PTPRD: variants seen among roughly 807,000 people sequenced by gnomAD.
PTPRD encodes receptor-type tyrosine-protein phosphatase delta.
PTPRD carries 34 observed loss-of-function variants against 214.5 expected under a neutral mutation model. The observed-to-expected ratio is 0.16, with a 90% confidence interval of 0.12 to 0.21. The LOEUF is 0.21. Among genes scored for constraint, PTPRD ranks in the 10% least tolerant of loss-of-function variants. The pLI is 1.00. For missense variants in PTPRD, 2,545 were observed against 2,398.7 expected (o/e 1.06, Z -1.27); for synonymous variants, 1,128 against 845.7 (o/e 1.33, Z -5.79).
intron 11 of PTPRD, among the ~76,000 whole-genome samples, chr9:8,761,187 C>G (rs2094392373): frequency 6.6e-6 from 1 of 151,908 alleles, no homozygotes; most frequent in South Asian, 2.1e-4. Context: ...CAAATAGAGG[C>G]AAATGTGGTT....
intron 9 of PTPRD, among the ~76,000 whole-genome samples, chr9:9,185,876 T>C (rs1245118874): frequency 6.6e-6 from 1 of 151,356 alleles, no homozygotes; most frequent in Non-Finnish European, 1.5e-5. Context: ...TTTTTTTCTT[T>C]TTTTTTTTGC....
chr9:9,902,230 ATTTC>A (rs1451261882), intron 5 of PTPRD, among the ~76,000 whole-genome samples: 5 of 152,024 alleles, frequency 3.3e-5, no homozygotes, highest in African/African-American at 9.7e-5. Context: ...TGTGCTCTCT[ATTTC>A]TTTCTTATCT....
At chr9:8,494,593 G>C (rs1426296354) in intron 26 of PTPRD, among the ~76,000 whole-genome samples, 1 of 152,112 alleles carries the variant, frequency 6.6e-6, no homozygotes, top group African/African-American at 2.4e-5. Context: ...TGGCTAACTG[G>C]AAAAAGCAGC....
chr9:9,349,736 C>T (rs930697106), intron 9 of PTPRD, among the ~76,000 whole-genome samples: 8 of 151,474 alleles, frequency 5.3e-5, no homozygotes, highest in Non-Finnish European at 8.8e-5. Context: ...GTTTATACCA[C>T]TTAAGTGGCA....
At chr9:10,336,976 C>G (rs1423143605) in intron 3 of PTPRD, among the ~76,000 whole-genome samples, 1 of 151,526 alleles carries the variant, frequency 6.6e-6, no homozygotes, top group African/African-American at 2.4e-5. Context: ...CATTCAAGGT[C>G]GTAGTCAAGG....
chr9:9,371,424 T>C (rs2059459411), intron 9 of PTPRD, among the ~76,000 whole-genome samples: 1 of 152,212 alleles, frequency 6.6e-6, no homozygotes, highest in Non-Finnish European at 1.5e-5. Context: ...TATTCTCTGA[T>C]GGTAGTTTGT....
intron 2 of PTPRD, among the ~76,000 whole-genome samples, chr9:10,541,635 T>C (rs1168446523): frequency 2.0e-5 from 3 of 151,994 alleles, no homozygotes; most frequent in Non-Finnish European, 4.4e-5. Flanking sequence ...TGTTATTCTT[T>C]ATATTTATTT....
intron 11 of PTPRD, among the ~76,000 whole-genome samples, chr9:9,018,168 A>C (rs1324276075): frequency 6.6e-6 from 1 of 151,972 alleles, no homozygotes; most frequent in Non-Finnish European, 1.5e-5. Flanking sequence ...TTCCCTCATA[A>C]CCATCCCAAC....
At chr9:8,906,679 C>T (rs544422414) in intron 11 of PTPRD, among the ~76,000 whole-genome samples, 1 of 152,128 alleles carries the variant, frequency 6.6e-6, no homozygotes, top group East Asian at 2.0e-4. Context: ...CCCATTTGTC[C>T]CTGCTCCCTT....
chr9:10,118,057 T>C (rs1318417609), intron 3 of PTPRD, among the ~76,000 whole-genome samples: 1 of 152,122 alleles, frequency 6.6e-6, no homozygotes, highest in East Asian at 1.9e-4. Flanking sequence ...ATAGGTGCAA[T>C]AGTTCACTTG....
At chr9:8,855,453 G>A (rs1377577010) in intron 11 of PTPRD, among the ~76,000 whole-genome samples, 1 of 152,088 alleles carries the variant, frequency 6.6e-6, no homozygotes, top group African/African-American at 2.4e-5. Context: ...AGAAGAATCT[G>A]TGTTACATAA....
chr9:10,251,532 G>C (rs1336609379), intron 3 of PTPRD, among the ~76,000 whole-genome samples: 1 of 151,870 alleles, frequency 6.6e-6, no homozygotes, highest in African/African-American at 2.4e-5. Flanking sequence ...CTTCACAATG[G>C]ATAATACAAT....
intron 4 of PTPRD, among the ~76,000 whole-genome samples, chr9:10,018,447 A>G (rs1017376384): frequency 6.6e-6 from 1 of 151,954 alleles, no homozygotes; most frequent in Non-Finnish European, 1.5e-5. Context: ...TACAAATAGC[A>G]GATAAAATTT....
At chr9:8,480,181 G>A (rs1164367109) in intron 30 of PTPRD, among the ~76,000 whole-genome samples, 1 of 152,182 alleles carries the variant, frequency 6.6e-6, no homozygotes, top group African/African-American at 2.4e-5. Flanking sequence ...TTAAGAGGTA[G>A]ACAAGTACAA....
At chr9:9,872,587 G>T (rs933840739) in intron 5 of PTPRD, among the ~76,000 whole-genome samples, 6 of 151,918 alleles carry the variant, frequency 3.9e-5, no homozygotes, top group African/African-American at 1.2e-4. Flanking sequence ...AAGGCCCTGT[G>T]TCAAAACAAC....
chr9:8,633,833 G>T, intron 13 of PTPRD, among the ~76,000 whole-genome samples: 1 of 152,042 alleles, frequency 6.6e-6, no homozygotes, highest in African/African-American at 2.4e-5. Context: ...GCACATATAC[G>T]AATGTGGATT....
intron 9 of PTPRD, among the ~76,000 whole-genome samples, chr9:9,385,181 C>A (rs763303014): frequency 3.3e-4 from 50 of 152,044 alleles, no homozygotes; most frequent in Non-Finnish European, 6.6e-4. Flanking sequence ...ACCAAGTATC[C>A]ACTTGTCTGA....
intron 11 of PTPRD, among the ~76,000 whole-genome samples, chr9:8,932,875 T>G (rs908547245): frequency 2.3e-4 from 35 of 152,054 alleles, no homozygotes; most frequent in African/African-American, 8.0e-4. Flanking sequence ...TCCAGGGGAA[T>G]GAAAGGTTCT....
At chr9:9,006,384 A>C (rs1339588332) in intron 11 of PTPRD, among the ~76,000 whole-genome samples, 2 of 152,082 alleles carry the variant, frequency 1.3e-5, no homozygotes, top group Admixed American at 1.3e-4. Context: ...TTTAAAAAGA[A>C]AGTCTATTTA....
Sources: gnomAD v4.1 joint callset for allele counts (sites outside exome capture counted in the v4.1 genomes callset) on GRCh38, gnomAD v4.1.1 for gene constraint, MANE v1.5 for transcripts, NCBI Gene and HGNC (gene_info 2026-07-23, HGNC 2026-07-21) for gene names.